UBE2D4: variants seen among roughly 807,000 people sequenced by gnomAD.
UBE2D4 encodes ubiquitin-conjugating enzyme E2 D4.
In UBE2D4, 17 loss-of-function variants were observed where a neutral mutation model predicts 23.0. The ratio of observed to expected loss-of-function variants is 0.74; its 90% CI spans 0.51 to 1.11. UBE2D4 has a LOEUF of 1.11. Ranked by LOEUF, UBE2D4 falls within the 50% of genes least tolerant of loss-of-function variation. UBE2D4 has a pLI of 0.00. For missense variants in UBE2D4, 139 were observed against 181.8 expected (o/e 0.76, Z 1.35); for synonymous variants, 61 against 69.4 (o/e 0.88, Z 0.60).
At chr7:43,946,302 T>G (rs759392834) in intron 4 of UBE2D4, 7 of 152,054 alleles carry the variant, frequency 4.6e-5, no homozygotes, top group Non-Finnish European at 7.3e-5. Context: ...AGGTCCAAGG[T>G]CATTTGAAGA....
rs946913964 is a variant in UBE2D4 at position 43,926,475 on chromosome 7, A to C, written c.-58A>C. 142 of 1,417,758 alleles carry C rather than the reference A, an allele frequency of 1.0e-4. No individual in the cohort carries two copies. Among genetic ancestry groups the C allele is most frequent in the Non-Finnish European group, 1.0e-4 (111 of 1,075,274 alleles). 87.8% of individuals were successfully genotyped at this position (1,417,758 alleles called of 1,614,324 possible). On this transcript the variant is annotated 5_prime_UTR_variant, in exon 1 of 7. Transcript: ENST00000222402. ...GCAGCTTGGTGGCGGCTGAGCCGGC[A>C]GCGGGCCGCCTCAGGCAGCCCCGGC...
chr7:43,935,825 T>G (rs2095957140), intron 1 of UBE2D4, among the ~76,000 whole-genome samples: 1 of 152,190 alleles, frequency 6.6e-6, no homozygotes, highest in African/African-American at 2.4e-5. Flanking sequence ...ACATATAGAT[T>G]CATGTTTTTG....
chr7:43,940,332 C>T (rs899275462), intron 2 of UBE2D4, among the ~76,000 whole-genome samples: 1 of 152,232 alleles, frequency 6.6e-6, no homozygotes. Context: ...ATGTCGTCCT[C>T]ACAAGCACCC....
At position 43,952,791 on chromosome 7, in the gene UBE2D4, G is replaced by C; in HGVS notation, c.*96G>C. The C allele has an allele frequency of 9.9e-7, 1 of 1,005,510 alleles. No homozygotes were observed. Among genetic ancestry groups the C allele is most frequent in the East Asian group, 2.4e-5 (1 of 41,590 alleles). The allele number at this position is 1,005,510 out of a possible 1,614,324, so 62.3% of individuals were successfully genotyped here. A position where few individuals can be genotyped will look rare whatever the true frequency, so the allele number is the denominator to read the frequency against. On this transcript the variant is annotated 3_prime_UTR_variant, in exon 7 of 7. Transcript: ENST00000222402. ...GGCTGTTGGCTGAGCCATTCAAAGA[G>C]CATCATCTGTTCTTCAAACAAATGT...
chr7:43,951,194 C>T (rs1248190507), intron 6 of UBE2D4, among the ~76,000 whole-genome samples: 1 of 152,200 alleles, frequency 6.6e-6, no homozygotes, highest in African/African-American at 2.4e-5. Flanking sequence ...ACCTTCATTG[C>T]CAGCTCTCTG....
chr7:43,927,631 C>T (rs4724257), intron 1 of UBE2D4, among the ~76,000 whole-genome samples: 18,528 of 152,076 alleles, frequency 0.12, 1,226 homozygotes, highest in Admixed American at 0.18. Flanking sequence ...CATTAACTTT[C>T]CACAAGTACA....
chr7:43,926,437 C>A lies in UBE2D4; in HGVS notation c.-96C>A, dbSNP rs971465962. On this transcript the variant is annotated 5_prime_UTR_variant, in exon 1 of 7. Coordinates refer to ENST00000222402, the MANE Select transcript of UBE2D4 (RefSeq NM_015983.4). ...GCCCCGCGCGCGCAAGCGCAGGCTG[C>A]GGCTCCCGGCGTGCAGCTTGGTGGC... 1.8e-6 allele frequency: 2 copies of A among 1,135,774 alleles called. No homozygotes were observed. Among genetic ancestry groups the A allele is most frequent in the Non-Finnish European group, 1.1e-6 (1 of 885,268 alleles). 70.4% of individuals were successfully genotyped at this position (1,135,774 alleles called of 1,614,324 possible).
At chr7:43,947,111 G>A (rs1348623522) in intron 4 of UBE2D4, 1 of 151,572 alleles carries the variant, frequency 6.6e-6, no homozygotes, top group East Asian at 1.9e-4. Context: ...TCCCATCTAT[G>A]AGTGAGAACA....
chr7:43,938,316 C>T (rs2095962970), intron 1 of UBE2D4, 115 bp from the exon 2 acceptor site: 1 of 957,862 alleles, frequency 1.0e-6, no homozygotes, highest in South Asian at 1.3e-5. Context: ...CTAACCCCCT[C>T]CTGAGGCCTA....
chr7:43,926,505 C>T lies in UBE2D4; in HGVS notation c.-28C>T, dbSNP rs2095930807. On this transcript the variant is annotated 5_prime_UTR_variant, in exon 1 of 7. Transcript: ENST00000222402. ...GCCGCCTCAGGCAGCCCCGGCCGGG[C>T]CGCCCGGGTCCCCGGCAGCGGGGTA... The T allele has an allele frequency of 6.6e-7, 1 of 1,511,294 alleles. No individual in the cohort carries two copies. The highest frequency in any genetic ancestry group is 2.8e-5 in the East Asian group (1 of 36,110). The allele number at this position is 1,511,294 out of a possible 1,614,324, so 93.6% of individuals were successfully genotyped here. A position where few individuals can be genotyped will look rare whatever the true frequency, so the allele number is the denominator to read the frequency against.
chr7:43,928,256 C>CTAGG (rs2095937499), intron 1 of UBE2D4: 3 of 280,446 alleles, frequency 1.1e-5, no homozygotes, highest in Admixed American at 4.8e-5. Context: ...ATACCTCCCA[C>CTAGG]TAGGCCCCAC....
chr7:43,949,102 T>C (rs1365802708), intron 5 of UBE2D4: 2 of 336,450 alleles, frequency 5.9e-6, no homozygotes, highest in African/African-American at 4.2e-5. Flanking sequence ...AAACGGACTG[T>C]GAGTCAGCCC....
In UBE2D4 at chr7:43,955,496, TA is replaced by T. The variant is rs1243922557; in HGVS notation, c.*2805del. Reference sequence around the variant, plus strand: ...GAGTCAAAATCTTAGGACAAGGAATTAAAATGCCAGAATGCAAATGTCCAAC... The same window carrying T: ...GAGTCAAAATCTTAGGACAAGGAATTAAATGCCAGAATGCAAATGTCCAAC... On this transcript the variant is annotated 3_prime_UTR_variant, in exon 7 of 7. Transcript: ENST00000222402. The T allele has an allele frequency of 1.3e-5, 2 of 152,228 alleles. No homozygotes were observed. Among genetic ancestry groups the T allele is most frequent in the Middle Eastern group, 3.4e-3 (1 of 294 alleles). The allele number at this position is 152,228 out of a possible 1,614,324, so 9.4% of individuals were successfully genotyped here. A position where few individuals can be genotyped will look rare whatever the true frequency, so the allele number is the denominator to read the frequency against.
chr7:43,943,016 G>A lies in UBE2D4; in HGVS notation c.183G>A (p.Pro61=), dbSNP rs146253174. The A allele has an allele frequency of 3.2e-5, 51 of 1,613,940 alleles. No homozygotes were observed. The highest frequency in any genetic ancestry group is 1.2e-4 in the African/African-American group (9 of 74,882). The change falls in exon 4 of 7, where the codon CCG becomes CCA. Residue 61 remains proline, a synonymous_variant. Coordinates refer to ENST00000222402, the MANE Select transcript of UBE2D4 (RefSeq NM_015983.4). ...CCATCCACTTTCCTACAGATTACCCGTTCAAGCCCCCAAAGGTGAGGTCCC... is the reference window on the plus strand; with the variant it reads ...CCATCCACTTTCCTACAGATTACCCATTCAAGCCCCCAAAGGTGAGGTCCC... ...FLTIHFPTDY[P]FKPPKVAFTT...
chr7:43,947,585 T>C (rs1562606036), intron 4 of UBE2D4, among the ~76,000 whole-genome samples: 1 of 152,254 alleles, frequency 6.6e-6, no homozygotes, highest in East Asian at 1.9e-4. Context: ...CAATGTATCA[T>C]TGATGGACAT....
intron 4 of UBE2D4, chr7:43,947,138 C>CTT (rs948527771): frequency 1.4e-5 from 2 of 141,626 alleles, no homozygotes; most frequent in Admixed American, 7.1e-5. Context: ...GTTTGGTTTT[C>CTT]TTTTTTTTTT....
intron 2 of UBE2D4, chr7:43,941,785 G>T (rs2095973238): frequency 6.6e-6 from 1 of 152,224 alleles, no homozygotes. Context: ...GTGTAGTAAA[G>T]AATTTAATCT....
chr7:43,928,234 C>G (rs2095937393), intron 1 of UBE2D4: 1 of 294,116 alleles, frequency 3.4e-6, no homozygotes, highest in Non-Finnish European at 6.9e-6. Flanking sequence ...GGAATCCGCC[C>G]CCACGACCCA....
chr7:43,936,139 C>T (rs1242729933), intron 1 of UBE2D4, among the ~76,000 whole-genome samples: 1 of 152,214 alleles, frequency 6.6e-6, no homozygotes, highest in East Asian at 1.9e-4. Flanking sequence ...TCCCAAAGTG[C>T]TGGGATTACC....
Sources: gnomAD v4.1 joint callset for allele counts (sites outside exome capture counted in the v4.1 genomes callset) on GRCh38, gnomAD v4.1.1 for gene constraint, MANE v1.5 for transcripts, NCBI Gene and HGNC (gene_info 2026-07-23, HGNC 2026-07-21) for gene names.